SNX10: variants seen among roughly 807,000 people sequenced by gnomAD.
SNX10 encodes the protein sorting nexin-10.
A neutral mutation model predicts 28.5 loss-of-function variants in SNX10; 25 were observed. That is an observed-to-expected ratio of 0.88 (90% CI 0.64 to 1.22). SNX10 has a LOEUF of 1.22. SNX10 is among the 50% of genes most tolerant of loss of function. SNX10 has a pLI of 0.00. For synonymous variants in SNX10, 62 were observed against 81.4 expected, an observed-to-expected ratio of 0.76 and a Z score of 1.28; for missense variants, 223 against 242.6, an observed-to-expected ratio of 0.92 and a Z score of 0.54.
intron 3 of SNX10, among the ~76,000 whole-genome samples, chr7:26,361,963 G>A (rs756314334): frequency 4.6e-5 from 7 of 152,188 alleles, no homozygotes; most frequent in African/African-American, 9.7e-5. Flanking sequence ...GATTGTATCC[G>A]TGACTTCATA....
chr7:26,366,489 T>G (rs924469936), intron 5 of SNX10, among the ~76,000 whole-genome samples: 7 of 152,166 alleles, frequency 4.6e-5, no homozygotes, highest in African/African-American at 1.7e-4. Context: ...ATTGTATTTT[T>G]GGGGGGTATC....
At chr7:26,319,657 A>G (rs1787232665) in intron 1 of SNX10, among the ~76,000 whole-genome samples, 1 of 152,234 alleles carries the variant, frequency 6.6e-6, no homozygotes, top group Admixed American at 6.5e-5. Flanking sequence ...AAAAGACAAA[A>G]AAAACCCATT....
intron 1 of SNX10, among the ~76,000 whole-genome samples, chr7:26,339,761 G>A (rs1472846655): frequency 6.6e-6 from 1 of 151,402 alleles, no homozygotes; most frequent in Non-Finnish European, 1.5e-5. Context: ...TGGCCAGGGT[G>A]GAGTCTCGAA....
chr7:26,356,495 T>A (rs1002079771), intron 2 of SNX10, among the ~76,000 whole-genome samples: 2 of 152,076 alleles, frequency 1.3e-5, no homozygotes, highest in Non-Finnish European at 2.9e-5. Context: ...AATTAAGAGA[T>A]TAGAGGTGAA....
intron 1 of SNX10, among the ~76,000 whole-genome samples, chr7:26,334,436 G>A (rs1327049147): frequency 6.6e-6 from 1 of 152,164 alleles, no homozygotes; most frequent in South Asian, 2.1e-4. Context: ...TTGCTTCTTA[G>A]TGTGAGTGAG....
intron 1 of SNX10, among the ~76,000 whole-genome samples, chr7:26,320,085 G>A (rs192736412): frequency 3.3e-5 from 5 of 151,904 alleles, no homozygotes; most frequent in South Asian, 4.2e-4. Context: ...GGGTTCAAGC[G>A]ATTCTTCTGC....
At chr7:26,301,299 A>C (rs968710527) in intron 1 of SNX10, among the ~76,000 whole-genome samples, 4 of 152,176 alleles carry the variant, frequency 2.6e-5, no homozygotes, top group Non-Finnish European at 5.9e-5. Context: ...CAGAATTTAT[A>C]ATGAACTACA....
intron 1 of SNX10, among the ~76,000 whole-genome samples, chr7:26,304,944 G>A (rs1486809638): frequency 6.6e-6 from 1 of 152,150 alleles, no homozygotes; most frequent in African/African-American, 2.4e-5. Flanking sequence ...CCCGGCCCAG[G>A]GAAATCCAAA....
At chr7:26,363,620 T>C (rs1789171685) in intron 3 of SNX10, among the ~76,000 whole-genome samples, 1 of 152,182 alleles carries the variant, frequency 6.6e-6, no homozygotes, top group African/African-American at 2.4e-5. Context: ...ATATTTACTC[T>C]CGTCTTATGT....
rs180809521 is a variant in SNX10, at chr7:26,342,952, G to A, written c.-23-3468G>A. Among the ~76,000 whole-genome samples the A allele has an allele frequency of 3.1e-3, 477 of 152,194 alleles. 1 individual carries two copies. Among genetic ancestry groups the A allele is most frequent in the African/African-American group, 0.011 (456 of 41,518 alleles). ...CTCCCAAGTAGTAGCTGGGACCACA[G>A]GCGCATGCTATCATGCCCAGCTAAT... On this transcript the variant is annotated intron_variant, in intron 1 of 6. Transcript: ENST00000338523.
chr7:26,295,699 C>G (rs1044954231), intron 1 of SNX10, among the ~76,000 whole-genome samples: 7 of 152,176 alleles, frequency 4.6e-5, no homozygotes, highest in African/African-American at 1.7e-4. Context: ...GCTCTCTCAC[C>G]AAGCTGTCCA....
intron 1 of SNX10, among the ~76,000 whole-genome samples, chr7:26,319,056 G>C (rs918057577): frequency 3.3e-5 from 5 of 152,182 alleles, no homozygotes; most frequent in African/African-American, 1.2e-4. Flanking sequence ...AGTTATTGGA[G>C]ATGATCAAAC....
chr7:26,322,865 C>T (rs1209993292), intron 1 of SNX10, among the ~76,000 whole-genome samples: 1 of 152,146 alleles, frequency 6.6e-6, no homozygotes, highest in Non-Finnish European at 1.5e-5. Flanking sequence ...AAGCAAATGT[C>T]TCTACCCTCT....
At chr7:26,345,388 C>A (rs895923640) in intron 1 of SNX10, among the ~76,000 whole-genome samples, 1 of 152,154 alleles carries the variant, frequency 6.6e-6, no homozygotes, top group Non-Finnish European at 1.5e-5. Context: ...ACACTGCGAT[C>A]CCCTGCTCTC....
At chr7:26,318,009 G>A (rs1787158600) in intron 1 of SNX10, among the ~76,000 whole-genome samples, 1 of 152,106 alleles carries the variant, frequency 6.6e-6, no homozygotes, top group South Asian at 2.1e-4. Flanking sequence ...TCTAGGATAT[G>A]GGAAAGGCCT....
intron 6 of SNX10, 76 bp from the exon 7 acceptor site, chr7:26,372,415 C>T (rs1459373514): frequency 1.1e-6 from 1 of 909,776 alleles, no homozygotes; most frequent in Non-Finnish European, 1.8e-6. Flanking sequence ...AAGTTCTCCT[C>T]TGTTACTCAG....
At chr7:26,305,588 C>G (rs185602753) in intron 1 of SNX10, among the ~76,000 whole-genome samples, 1 of 152,286 alleles carries the variant, frequency 6.6e-6, no homozygotes, top group Non-Finnish European at 1.5e-5. Flanking sequence ...ATCAGCTTGT[C>G]TGCAGATGAT....
intron 1 of SNX10, among the ~76,000 whole-genome samples, chr7:26,339,882 A>G (rs1247509977): frequency 1.4e-5 from 2 of 148,124 alleles, no homozygotes; most frequent in African/African-American, 2.5e-5. Flanking sequence ...GTTGGTTCTG[A>G]GACTTTGATC....
chr7:26,336,110 G>A (rs1787934913), intron 1 of SNX10, among the ~76,000 whole-genome samples: 1 of 152,152 alleles, frequency 6.6e-6, no homozygotes, highest in African/African-American at 2.4e-5. Flanking sequence ...CATTGTGGGA[G>A]GAAGTGAAAC....
Sources: allele counts gnomAD v4.1 joint callset (sites outside exome capture counted in the v4.1 genomes callset), GRCh38; gene constraint gnomAD v4.1.1; transcripts MANE v1.5; gene names NCBI Gene and HGNC (gene_info 2026-07-23, HGNC 2026-07-21).